Variants in BBS9 observed in about 807,000 individuals in gnomAD.
BBS9 encodes the protein protein PTHB1.
In BBS9, 89 loss-of-function variants were observed where a neutral mutation model predicts 117.7. That is an observed-to-expected ratio of 0.76 (90% CI 0.64 to 0.90). The LOEUF (loss-of-function observed/expected upper bound fraction) is 0.90, where lower values mean the gene tolerates loss of function less well. BBS9 is among the 40% of genes least tolerant of loss of function. The probability of loss-of-function intolerance (pLI) is 0.00; values close to 1 mark genes in which losing one functional copy is unlikely to be tolerated. For synonymous variants in BBS9, 379 were observed against 370.9 expected (o/e 1.02, Z -0.25); for missense variants, 982 against 1,042.2 (o/e 0.94, Z 0.80).
intron 10 of BBS9, among the ~76,000 whole-genome samples, chr7:33,337,659 A>G (rs1254919203): frequency 6.6e-6 from 1 of 152,162 alleles, no homozygotes. Context: ...TTACTTAAAA[A>G]TCTATTTGTT....
chr7:33,429,907 A>G (rs1311375235), intron 19 of BBS9, among the ~76,000 whole-genome samples: 1 of 152,148 alleles, frequency 6.6e-6, no homozygotes, highest in Non-Finnish European at 1.5e-5. Context: ...TTCTGAGACC[A>G]GCTTCTCTAT....
Position 33,270,846 on chromosome 7 carries a change from C to T in BBS9, c.703-2166C>T, listed in dbSNP as rs142886688. On this transcript the variant is annotated intron_variant, in intron 7 of 22. Coordinates refer to ENST00000242067, the MANE Select transcript of BBS9 (RefSeq NM_198428.3). ...CACTAGAGAGGCTGATATTCAAATT[C>T]GGGAAATGCAGAGAACCCCTGCAAG... 4.5e-3 allele frequency among the ~76,000 whole-genome samples: 686 copies of T among 152,186 alleles called. 4 individuals are homozygous for T. Among genetic ancestry groups the T allele is most frequent in the Non-Finnish European group, 6.2e-3 (420 of 68,002 alleles).
chr7:33,543,458 T>G (rs1852743792), intron 21 of BBS9, among the ~76,000 whole-genome samples: 1 of 152,228 alleles, frequency 6.6e-6, no homozygotes, highest in Non-Finnish European at 1.5e-5. Flanking sequence ...GCTCTTCAGT[T>G]TAATTAGATC....
rs886062289 is a variant in BBS9, at chr7:33,606,002, C to CTAA, written c.*778_*780dup. 1.3e-5 allele frequency: 2 copies of CTAA among 152,048 alleles called. No individual in the cohort carries two copies. Among genetic ancestry groups the CTAA allele is most frequent in the Non-Finnish European group, 2.9e-5 (2 of 68,018 alleles). The allele number at this position is 152,048 out of a possible 1,614,324, so 9.4% of individuals were successfully genotyped here. On this transcript the variant is annotated 3_prime_UTR_variant, in exon 23 of 23. Coordinates refer to ENST00000242067, the MANE Select transcript of BBS9 (RefSeq NM_198428.3). The stretch of plus-strand genomic sequence containing the variant: ...TGTGTAAGAAGTGAAAGAAACTTTG[C>CTAA]TAATTTCAAGTTCGAATTACAGTTG...
At chr7:33,386,935 C>G (rs1218234753) in intron 18 of BBS9, among the ~76,000 whole-genome samples, 4 of 152,006 alleles carry the variant, frequency 2.6e-5, no homozygotes, top group African/African-American at 9.7e-5. Context: ...CTAGAAATAT[C>G]CTATGCAGTC....
intron 4 of BBS9, among the ~76,000 whole-genome samples, chr7:33,166,766 G>A (rs747740154): frequency 1.3e-5 from 2 of 152,210 alleles, no homozygotes; most frequent in South Asian, 2.1e-4. Context: ...GGAGTGTCCC[G>A]TTTTTCCACG....
chr7:33,426,354 G>T lies in BBS9; in HGVS notation c.2115+38210G>T, dbSNP rs10250312. Among the ~76,000 whole-genome samples the T allele has an allele frequency of 6.1e-3, 936 of 152,268 alleles. 12 individuals are homozygous for T. Among genetic ancestry groups the T allele is most frequent in the African/African-American group, 0.022 (901 of 41,562 alleles). On this transcript the variant is annotated intron_variant, in intron 19 of 22. Coordinates refer to ENST00000242067, the MANE Select transcript of BBS9 (RefSeq NM_198428.3). The stretch of plus-strand genomic sequence containing the variant: ...GGGTTCTGTTGTACAGAGGGACTCT[G>T]TAATGTTTTGCCTTCAATAACTTAA...
rs372290037 is a variant in BBS9 at position 33,522,172 on chromosome 7, T to G, written c.2299-11782T>G. 3.9e-5 allele frequency among the ~76,000 whole-genome samples: 6 copies of G among 152,046 alleles called. No homozygotes were observed. In the East Asian group the frequency reaches 7.7e-4, roughly 20 times the overall value. Reference sequence around the variant, plus strand: ...TGTTGGACATTTGGGTTGGTTCCAATTCTTTGCTATTGTGAATAATGCTGC... The same window carrying G: ...TGTTGGACATTTGGGTTGGTTCCAAGTCTTTGCTATTGTGAATAATGCTGC... On this transcript the variant is annotated intron_variant, in intron 20 of 22. Coordinates refer to ENST00000242067, the MANE Select transcript of BBS9 (RefSeq NM_198428.3).
intron 5 of BBS9, among the ~76,000 whole-genome samples, chr7:33,188,133 G>A (rs1783464299): frequency 8.9e-6 from 1 of 111,838 alleles, no homozygotes; most frequent in African/African-American, 3.1e-5. Context: ...GTGGGGTAGG[G>A]TGGGGGGAGG....
At chr7:33,494,166 T>C (rs1427652018) in intron 19 of BBS9, among the ~76,000 whole-genome samples, 1 of 152,092 alleles carries the variant, frequency 6.6e-6, no homozygotes, top group Non-Finnish European at 1.5e-5. Context: ...CATTTGACAA[T>C]GTCCGGAGAC....
intron 4 of BBS9, among the ~76,000 whole-genome samples, chr7:33,163,443 G>A (rs920550606): frequency 6.6e-6 from 1 of 152,200 alleles, no homozygotes; most frequent in African/African-American, 2.4e-5. Context: ...GAATTCGGCT[G>A]TGAGTCCATC....
intron 9 of BBS9, among the ~76,000 whole-genome samples, chr7:33,287,737 TA>T (rs35037377): frequency 2.6e-5 from 4 of 152,232 alleles, no homozygotes; most frequent in Non-Finnish European, 5.9e-5. Flanking sequence ...ATTAATGTGC[TA>T]AAAAAAGGAT....
At chr7:33,224,422 G>C (rs1283745966) in intron 5 of BBS9, among the ~76,000 whole-genome samples, 1 of 152,182 alleles carries the variant, frequency 6.6e-6, no homozygotes. Flanking sequence ...ATAATAATTT[G>C]AAAGCAGTAA....
intron 1 of BBS9, among the ~76,000 whole-genome samples, chr7:33,131,049 A>C (rs1288907264): frequency 6.6e-6 from 1 of 152,244 alleles, no homozygotes. Context: ...ACATGAAATT[A>C]TTATAAAACA....
chr7:33,440,260 A>T (rs1014128337), intron 19 of BBS9, among the ~76,000 whole-genome samples: 6 of 152,204 alleles, frequency 3.9e-5, no homozygotes, highest in African/African-American at 4.8e-5. Flanking sequence ...CGTACCATAC[A>T]AATTTGAGAT....
At chr7:33,293,157 C>T (rs764826242) in intron 9 of BBS9, among the ~76,000 whole-genome samples, 4 of 151,654 alleles carry the variant, frequency 2.6e-5, no homozygotes, top group South Asian at 2.1e-4. Context: ...TCTAATGGAC[C>T]ATGTCAACAT....
rs978750290 is a variant in BBS9, at chr7:33,171,076, C to A, written c.329-6402C>A. Among the ~76,000 whole-genome samples, 42 of 151,654 alleles carry A rather than the reference C, an allele frequency of 2.8e-4. No individual in the cohort carries two copies. The East Asian group carries it at 5.6e-3, about 20-fold the overall frequency. On this transcript the variant is annotated intron_variant, in intron 4 of 22. Transcript: ENST00000242067. The stretch of plus-strand genomic sequence containing the variant: ...GCCATCCCCATCAAGCTACCAATGC[C>A]TTTCTTCACAGAACTGGAAAAAACT...
chr7:33,205,918 AGCCC>A (rs1178194951), intron 5 of BBS9, among the ~76,000 whole-genome samples: 1 of 152,214 alleles, frequency 6.6e-6, no homozygotes, highest in Admixed American at 6.5e-5. Context: ...TAAAGCAGAT[AGCCC>A]ACTCAGCCAT....
At chr7:33,295,389 T>C (rs1805047144) in intron 9 of BBS9, among the ~76,000 whole-genome samples, 1 of 150,354 alleles carries the variant, frequency 6.7e-6, no homozygotes, top group Non-Finnish European at 1.5e-5. Context: ...TTCAATTATT[T>C]GAAAAACAAT....
Sources: allele counts gnomAD v4.1 joint callset (sites outside exome capture counted in the v4.1 genomes callset), GRCh38; gene constraint gnomAD v4.1.1; transcripts MANE v1.5; gene names NCBI Gene and HGNC (gene_info 2026-07-23, HGNC 2026-07-21).